Variants in STAM observed in about 807,000 individuals in gnomAD.
STAM encodes signal transducing adapter molecule 1.
Under a neutral mutation model 63.4 loss-of-function variants are expected in STAM, and 16 were observed. The ratio of observed to expected loss-of-function variants is 0.25; its 90% CI spans 0.17 to 0.38. The LOEUF (loss-of-function observed/expected upper bound fraction) is 0.38, where lower values mean the gene tolerates loss of function less well. Among genes scored for constraint, STAM ranks in the 10% least tolerant of loss-of-function variants. The pLI, the probability that STAM is intolerant of heterozygous loss-of-function variation, is 1.00. For synonymous variants in STAM, 238 were observed against 223.9 expected, an observed-to-expected ratio of 1.06 and a Z score of -0.56; for missense variants, 636 against 657.1, an observed-to-expected ratio of 0.97 and a Z score of 0.35.
chr10:17,653,091 G>T (rs879993176), intron 1 of STAM, among the ~76,000 whole-genome samples: 10 of 152,106 alleles, frequency 6.6e-5, no homozygotes, highest in Non-Finnish European at 1.3e-4. Flanking sequence ...CACTCCAGAA[G>T]GACTAACCAT....
chr10:17,650,036 TC>T (rs782509845), intron 1 of STAM, among the ~76,000 whole-genome samples: 12 of 152,252 alleles, frequency 7.9e-5, no homozygotes, highest in Non-Finnish European at 1.6e-4. Flanking sequence ...ATATTTGTGT[TC>T]CCAGTCAGAC....
chr10:17,654,948 G>C (rs376163229), intron 1 of STAM, among the ~76,000 whole-genome samples: 1 of 152,116 alleles, frequency 6.6e-6, no homozygotes, highest in Non-Finnish European at 1.5e-5. Flanking sequence ...AGCCAGCCTA[G>C]ATTCTTCATT....
intron 13 of STAM, among the ~76,000 whole-genome samples, chr10:17,710,928 A>G (rs782101670): frequency 3.3e-5 from 5 of 152,332 alleles, no homozygotes; most frequent in South Asian, 2.1e-4. Flanking sequence ...CTGTTTATCA[A>G]TATATAAAAA....
chr10:17,689,079 C>T (rs533981571), intron 5 of STAM, among the ~76,000 whole-genome samples: 1 of 152,276 alleles, frequency 6.6e-6, no homozygotes, highest in South Asian at 2.1e-4. Context: ...GCTCTCCTGT[C>T]CACCCTTGTG....
Position 17,716,630 on chromosome 10 carries a change from T to C in STAM, c.*1850T>C, listed in dbSNP as rs1225361255. 2.0e-5 allele frequency among the ~76,000 whole-genome samples: 3 copies of C among 152,242 alleles called. No homozygotes were observed. The highest frequency in any genetic ancestry group is 2.9e-5 in the Non-Finnish European group (2 of 68,048). On this transcript the variant is annotated 3_prime_UTR_variant, in exon 14 of 14. Transcript: ENST00000377524. ...TAAATTCCTGTTTACCAATGTTAAATGTATCATTTTCCCATTTTAATTTTG... is the reference window on the plus strand; with the variant it reads ...TAAATTCCTGTTTACCAATGTTAAACGTATCATTTTCCCATTTTAATTTTG...
intron 7 of STAM, 147 bp from the exon 8 acceptor site, chr10:17,696,628 G>C: frequency 1.8e-6 from 1 of 568,500 alleles, no homozygotes; most frequent in Non-Finnish European, 3.1e-6. Flanking sequence ...TTCTTCTTTT[G>C]TAATAAAGGA....
chr10:17,671,963 A>G lies in STAM; in HGVS notation c.125+11415A>G, dbSNP rs1834657981. 2.0e-5 allele frequency among the ~76,000 whole-genome samples: 3 copies of G among 152,156 alleles called. No individual in the cohort carries two copies. In the South Asian group the frequency reaches 6.2e-4, roughly 31 times the overall value. On this transcript the variant is annotated intron_variant, in intron 2 of 13. Coordinates refer to ENST00000377524, the MANE Select transcript of STAM (RefSeq NM_003473.4). ...CAATGACAATAATTTCCTTTAGAGT[A>G]TACAATCTTCCTGTCACTGCTCGGC...
At chr10:17,699,190 T>C (rs1835886081) in intron 8 of STAM, among the ~76,000 whole-genome samples, 1 of 152,226 alleles carries the variant, frequency 6.6e-6, no homozygotes, top group Non-Finnish European at 1.5e-5. Context: ...TTACAAAAGT[T>C]TTTAATCTTT....
At chr10:17,670,414 A>G (rs1834588741) in intron 2 of STAM, among the ~76,000 whole-genome samples, 1 of 152,058 alleles carries the variant, frequency 6.6e-6, no homozygotes, top group Admixed American at 6.6e-5. Flanking sequence ...TTTACTTCCC[A>G]TTTTATGTTT....
In STAM at chr10:17,687,974, T is replaced by G. The variant is rs571194014; in HGVS notation, c.298-53T>G. 20 of 1,464,294 alleles carry G rather than the reference T, an allele frequency of 1.4e-5. No individual in the cohort carries two copies. In the African/African-American group the frequency reaches 2.8e-4, roughly 21 times the overall value. The allele number at this position is 1,464,294 out of a possible 1,614,324, so 90.7% of individuals were successfully genotyped here. A position where few individuals can be genotyped will look rare whatever the true frequency, so the allele number is the denominator to read the frequency against. ...ACTTTACTATTTAAAATGTCTGTAT[T>G]AAATCATTGGCTAGGAAATTGGTGC... On this transcript the variant is annotated intron_variant, in intron 4 of 13. Transcript: ENST00000377524.
intron 2 of STAM, among the ~76,000 whole-genome samples, chr10:17,676,542 T>G (rs553789094): frequency 6.6e-6 from 1 of 152,194 alleles, no homozygotes; most frequent in Non-Finnish European, 1.5e-5. Flanking sequence ...TGCCCCCTTT[T>G]CTTTTACCCT....
chr10:17,701,682 G>A (rs1166627514), intron 9 of STAM, among the ~76,000 whole-genome samples: 1 of 152,062 alleles, frequency 6.6e-6, no homozygotes, highest in Non-Finnish European at 1.5e-5. Context: ...TCCTAAAATT[G>A]ATCTGCCCGA....
In STAM at chr10:17,705,758, C is replaced by T; in HGVS notation, c.1209+17C>T. ...GGTTCTCAGGTAAGCTTTTAGAAGC[C>T]CATGTTGTTTTAAATTCTCAAATGC... On this transcript the variant is annotated intron_variant, in intron 12 of 13. Coordinates refer to ENST00000377524, the MANE Select transcript of STAM (RefSeq NM_003473.4). 1 of 1,604,494 alleles carries T rather than the reference C, an allele frequency of 6.2e-7. No homozygotes were observed. Among genetic ancestry groups the T allele is most frequent in the South Asian group, 1.1e-5 (1 of 88,966 alleles).
At chr10:17,655,528 G>A (rs915174617) in intron 1 of STAM, among the ~76,000 whole-genome samples, 16 of 152,142 alleles carry the variant, frequency 1.1e-4, no homozygotes, top group African/African-American at 3.4e-4. Context: ...GTGATATATA[G>A]CAGGTATTAT....
chr10:17,714,022 T>G (rs1365559129), intron 13 of STAM, among the ~76,000 whole-genome samples: 3 of 152,138 alleles, frequency 2.0e-5, no homozygotes, highest in Non-Finnish European at 2.9e-5. Context: ...ATGCTTGGTG[T>G]TTTCTCTCCT....
intron 2 of STAM, among the ~76,000 whole-genome samples, chr10:17,679,750 A>T (rs965616816): frequency 3.3e-5 from 5 of 151,060 alleles, no homozygotes; most frequent in African/African-American, 9.7e-5. Context: ...TTCTTAAGTC[A>T]GTTTCTTTTC....
chr10:17,659,905 A>G (rs1221600968), intron 1 of STAM, among the ~76,000 whole-genome samples: 2 of 152,114 alleles, frequency 1.3e-5, no homozygotes. Flanking sequence ...GAAAGTGTTT[A>G]TTTCCTCTTC....
intron 1 of STAM, 83 bp from the exon 2 acceptor site, chr10:17,660,381 A>G (rs1214563272): frequency 1.0e-5 from 9 of 892,712 alleles, no homozygotes; most frequent in African/African-American, 3.4e-5. Context: ...TGATTATACT[A>G]TAGTTTTGTG....
At position 17,714,891 on chromosome 10, in the gene STAM, G is replaced by T; in HGVS notation, c.*111G>T. 9.6e-7 allele frequency: 1 copy of T among 1,046,370 alleles called. No individual in the cohort carries two copies. The highest frequency in any genetic ancestry group is 1.4e-6 in the Non-Finnish European group (1 of 690,760). 64.8% of individuals were successfully genotyped at this position (1,046,370 alleles called of 1,614,324 possible). ...TCCTCAGCTTATAGGAATCTCTCCA[G>T]GTCAACAGGTTCAAATATTCAAGAA... On this transcript the variant is annotated 3_prime_UTR_variant, in exon 14 of 14. Coordinates refer to ENST00000377524, the MANE Select transcript of STAM (RefSeq NM_003473.4).
Sources: allele counts gnomAD v4.1 joint callset (sites outside exome capture counted in the v4.1 genomes callset), GRCh38; gene constraint gnomAD v4.1.1; transcripts MANE v1.5; gene names NCBI Gene and HGNC (gene_info 2026-07-23, HGNC 2026-07-21).